The following NEXMIF variants were observed in gnomAD, a reference collection of about 807,000 sequenced individuals.
NEXMIF encodes neurite extension and migration factor.
A neutral mutation model predicts 62.1 loss-of-function variants in NEXMIF; 8 were observed. That is an observed-to-expected ratio of 0.13 (90% CI 0.08 to 0.23). The LOEUF (loss-of-function observed/expected upper bound fraction) is 0.23. Ranked by LOEUF, NEXMIF falls within the 10% of genes least tolerant of loss-of-function variation. The pLI, the probability that NEXMIF is intolerant of heterozygous loss-of-function variation, is 1.00. For missense variants in NEXMIF, 976 were observed against 1,113.3 expected, an observed-to-expected ratio of 0.88 and a Z score of 1.75; for synonymous variants, 404 against 416.6, an observed-to-expected ratio of 0.97 and a Z score of 0.37.
chrX:74,800,407 C>T (rs968619928), intron 1 of NEXMIF, among the ~76,000 whole-genome samples: 1 of 111,192 alleles, frequency 9.0e-6, no homozygotes, highest in African/African-American at 3.3e-5. Flanking sequence ...TTAAAATTCC[C>T]CATCCTATTT....
intron 1 of NEXMIF, among the ~76,000 whole-genome samples, chrX:74,840,723 A>G (rs185354395): frequency 4.5e-5 from 5 of 111,766 alleles, no homozygotes; most frequent in Admixed American, 9.5e-5. Flanking sequence ...TCTCGTCACT[A>G]TTTATTGAAT....
At chrX:74,898,175 T>C (rs966373821) in intron 1 of NEXMIF, among the ~76,000 whole-genome samples, 1 of 111,980 alleles carries the variant, frequency 8.9e-6, no homozygotes, top group African/African-American at 3.2e-5. Context: ...AGAATCCTGA[T>C]AAACACTACC....
At chrX:74,904,035 ACCTCACT>A (rs1391040536) in intron 1 of NEXMIF, among the ~76,000 whole-genome samples, 2 of 109,478 alleles carry the variant, frequency 1.8e-5, no homozygotes, top group Non-Finnish European at 3.8e-5. Context: ...TGAGCACCCC[ACCTCACT>A]CCTCACTCCA....
At chrX:74,837,549 G>C (rs1400732030) in intron 1 of NEXMIF, among the ~76,000 whole-genome samples, 1 of 111,998 alleles carries the variant, frequency 8.9e-6, no homozygotes, top group Non-Finnish European at 1.9e-5. Flanking sequence ...TTACAATTCA[G>C]CCCCTCCAAC....
At chrX:74,747,279 C>CA (rs2080128544) in intron 1 of NEXMIF, among the ~76,000 whole-genome samples, 1 of 111,451 alleles carries the variant, frequency 9.0e-6, no homozygotes, top group African/African-American at 3.3e-5. Context: ...TAACTACAAG[C>CA]AAGTCCATTT....
intron 1 of NEXMIF, among the ~76,000 whole-genome samples, chrX:74,820,536 C>T (rs1490834166): frequency 9.0e-6 from 1 of 111,095 alleles, no homozygotes; most frequent in Admixed American, 9.6e-5. Context: ...ACTATTCTAC[C>T]ATTAAGACAC....
At chrX:74,861,695 AT>A (rs1347726399) in intron 1 of NEXMIF, among the ~76,000 whole-genome samples, 1 of 111,981 alleles carries the variant, frequency 8.9e-6, no homozygotes, top group East Asian at 2.8e-4. Flanking sequence ...AATATTCAAC[AT>A]TCTTAAAGAA....
At chrX:74,847,169 G>A (rs760010471) in intron 1 of NEXMIF, among the ~76,000 whole-genome samples, 1 of 111,805 alleles carries the variant, frequency 8.9e-6, no homozygotes, top group Non-Finnish European at 1.9e-5. Flanking sequence ...GGAATAAGAG[G>A]GCAAGGATTG....
chrX:74,791,687 C>T (rs916831515), intron 1 of NEXMIF, among the ~76,000 whole-genome samples: 20 of 110,258 alleles, frequency 1.8e-4, no homozygotes, highest in African/African-American at 6.3e-4. Context: ...GATTCAACTT[C>T]TTCCTGGTTT....
At chrX:74,895,538 C>G (rs1330206639) in intron 1 of NEXMIF, among the ~76,000 whole-genome samples, 1 of 111,853 alleles carries the variant, frequency 8.9e-6, no homozygotes, top group Non-Finnish European at 1.9e-5. Context: ...GGAGGAATCA[C>G]ATTACCTGAC....
chrX:74,895,834 T>TA (rs749007896), intron 1 of NEXMIF, among the ~76,000 whole-genome samples: 1,332 of 85,893 alleles, frequency 0.016, 19 homozygotes, highest in African/African-American at 0.046. Flanking sequence ...GGCTACTGTG[T>TA]AAAAAAAAAA....
chrX:74,785,713 G>A (rs2080258571), intron 1 of NEXMIF, among the ~76,000 whole-genome samples: 1 of 112,073 alleles, frequency 8.9e-6, no homozygotes, highest in Non-Finnish European at 1.9e-5. Context: ...ATCCTGGTTG[G>A]GTTTGTTCAG....
chrX:74,796,082 C>A (rs1309008330), intron 1 of NEXMIF, among the ~76,000 whole-genome samples: 5 of 81,009 alleles, frequency 6.2e-5, no homozygotes, highest in African/African-American at 1.9e-4. Context: ...TTAGAGACAT[C>A]AATATAAACT....
chrX:74,889,294 C>T (rs1049364827), intron 1 of NEXMIF, among the ~76,000 whole-genome samples: 2 of 110,585 alleles, frequency 1.8e-5, no homozygotes, highest in Admixed American at 9.7e-5. Flanking sequence ...CACCAAGTAC[C>T]GATATTAGGT....
intron 1 of NEXMIF, among the ~76,000 whole-genome samples, chrX:74,892,398 G>A (rs2080720646): frequency 9.0e-6 from 1 of 111,417 alleles, no homozygotes; most frequent in Non-Finnish European, 1.9e-5. Context: ...TTTCTTTCTG[G>A]GTGCTCAGGT....
At chrX:74,894,808 C>G (rs2080728012) in intron 1 of NEXMIF, among the ~76,000 whole-genome samples, 1 of 112,093 alleles carries the variant, frequency 8.9e-6, no homozygotes, top group Non-Finnish European at 1.9e-5. Flanking sequence ...TAAAAACCCT[C>G]AAAGAAGGAA....
chrX:74,780,530 G>A (rs1410821964), intron 1 of NEXMIF, among the ~76,000 whole-genome samples: 1 of 108,105 alleles, frequency 9.3e-6, no homozygotes, highest in African/African-American at 3.4e-5. Context: ...CACCATGCCT[G>A]GCTAATTTTT....
At chrX:74,822,761 T>C (rs1229967030) in intron 1 of NEXMIF, among the ~76,000 whole-genome samples, 1 of 112,051 alleles carries the variant, frequency 8.9e-6, no homozygotes, top group Non-Finnish European at 1.9e-5. Flanking sequence ...GTAGATAAAT[T>C]GGTCCCTCTG....
chrX:74,764,104 T>C (rs1219095335), intron 1 of NEXMIF, among the ~76,000 whole-genome samples: 1 of 111,650 alleles, frequency 9.0e-6, no homozygotes, highest in Non-Finnish European at 1.9e-5. Flanking sequence ...GGCTGTGGGT[T>C]TGTCATAGAT....
Sources: gnomAD v4.1 joint callset for allele counts (sites outside exome capture counted in the v4.1 genomes callset) on GRCh38, gnomAD v4.1.1 for gene constraint, MANE v1.5 for transcripts, NCBI Gene and HGNC (gene_info 2026-07-23, HGNC 2026-07-21) for gene names.